The following NAB1 variants were observed in gnomAD, a reference collection of about 807,000 sequenced individuals.
NAB1 encodes NGFI-A-binding protein 1.
In NAB1, 25 loss-of-function variants were observed where a neutral mutation model predicts 49.9. The observed-to-expected ratio is 0.50, with a 90% CI of 0.37 to 0.70. The LOEUF is 0.70. NAB1 is among the 30% of genes least tolerant of loss of function. NAB1 has a pLI of 0.00. For synonymous variants in NAB1, 198 were observed against 215.6 expected, an observed-to-expected ratio of 0.92 and a Z score of 0.71; for missense variants, 489 against 575.9, an observed-to-expected ratio of 0.85 and a Z score of 1.54.
Position 190,689,961 on chromosome 2 carries a change from G to A in NAB1, c.1376-284G>A, listed in dbSNP as rs1040896184. Among the ~76,000 whole-genome samples the A allele has an allele frequency of 1.5e-5, 1 of 65,240 alleles. No homozygotes were observed. Among genetic ancestry groups the A allele is most frequent in the African/African-American group, 6.2e-5 (1 of 16,076 alleles). The allele number at this position is 65,240 out of a possible 152,430, so 42.8% of individuals were successfully genotyped here. A position where few individuals can be genotyped will look rare whatever the true frequency, so the allele number is the denominator to read the frequency against. ...TAGATACTATTCCTATTTTATAAAT[G>A]AAGACATTAAGGCTTAGAGAGGTGT... On this transcript the variant is annotated intron_variant, in intron 9 of 9. Coordinates refer to ENST00000337386, the MANE Select transcript of NAB1 (RefSeq NM_005966.4). This position sits in a 1 kb window ranked among gnomAD's most constrained non-coding sequence, Gnocchi z 4.3.
Position 190,659,971 on chromosome 2 carries a change from T to C in NAB1, c.795T>C (p.Asp265=), listed in dbSNP as rs1258978460. ...GCAGATTTGACTCAAAGAGGAAGGA[T>C]GGGAAACATCTCACACTTCATGAGG... ...IYGRFDSKRK[D]GKHLTLHELT... Residue 265 remains aspartate, a synonymous_variant, in exon 4 of 10, where the codon GAT becomes GAC. Transcript: ENST00000337386. The surrounding 1 kb of genome is among the most constrained non-coding windows in gnomAD (Gnocchi z 6.2). The C allele has an allele frequency of 6.2e-7, 1 of 1,612,990 alleles. No individual in the cohort carries two copies. The highest frequency in any genetic ancestry group is 1.3e-5 in the African/African-American group (1 of 74,894).
intron 2 of NAB1, chr2:190,653,745 C>T (rs1559222475): frequency 6.6e-6 from 1 of 152,104 alleles, no homozygotes; most frequent in African/African-American, 2.4e-5. Flanking sequence ...AAGAAAAAGA[C>T]CTAGGATCTC....
Position 190,677,496 on chromosome 2 carries a change from G to A in NAB1, c.1005+4344G>A, listed in dbSNP as rs1354522465. ...TGAATAACATGTCCACTGGAACACA[G>A]CCCTCTGTGAGTCCACTTTCAGCTG... is the stretch of plus-strand genomic sequence containing the variant. On this transcript the variant is annotated intron_variant, in intron 6 of 9. Transcript: ENST00000337386. The surrounding 1 kb of genome is among the most constrained non-coding windows in gnomAD (Gnocchi z 5.6). The A allele has an allele frequency of 6.6e-6, 1 of 152,194 alleles. No homozygotes were observed. 9.4% of individuals were successfully genotyped at this position (152,194 alleles called of 1,614,324 possible).
rs1024383211 is a variant in NAB1 at position 190,679,453 on chromosome 2, A to G, written c.1006-4285A>G. On this transcript the variant is annotated intron_variant, in intron 6 of 9. Transcript: ENST00000337386. The surrounding 1 kb of genome is among the most constrained non-coding windows in gnomAD (Gnocchi z 5.3). Reference sequence around the variant, plus strand: ...TTTTATTTATCTTTATTAATGGTGGAATAGTGTCCATTTTCTAGCAACTTT... The same window carrying G: ...TTTTATTTATCTTTATTAATGGTGGGATAGTGTCCATTTTCTAGCAACTTT... Among the ~76,000 whole-genome samples, 4 of 152,180 alleles carry G rather than the reference A, an allele frequency of 2.6e-5. No homozygotes were observed. Among genetic ancestry groups the G allele is most frequent in the Non-Finnish European group, 4.4e-5 (3 of 68,040 alleles).
At position 190,659,008 on chromosome 2, in the gene NAB1, T is replaced by C; in HGVS notation, c.-19-150T>C. The C allele has an allele frequency of 1.7e-6, 1 of 583,142 alleles. No individual in the cohort carries two copies. The highest frequency in any genetic ancestry group is 3.0e-6 in the Non-Finnish European group (1 of 334,302). 36.1% of individuals were successfully genotyped at this position (583,142 alleles called of 1,614,324 possible). On this transcript the variant is annotated intron_variant, in intron 3 of 9. Coordinates refer to ENST00000337386, the MANE Select transcript of NAB1 (RefSeq NM_005966.4). The surrounding 1 kb of genome is among the most constrained non-coding windows in gnomAD (Gnocchi z 6.2). Reference sequence around the variant, plus strand: ...AGGTTTTTAGGAGTTCAGAATGAGATAAAGTATGTAGAGAGAATGCTGCCT... The same window carrying C: ...AGGTTTTTAGGAGTTCAGAATGAGACAAAGTATGTAGAGAGAATGCTGCCT...
rs1694091342 is a variant in NAB1 at position 190,659,193 on chromosome 2, C to A, written c.17C>A (p.Pro6His). 6.2e-7 allele frequency: 1 copy of A among 1,612,802 alleles called. No homozygotes were observed. The highest frequency in any genetic ancestry group is 1.3e-5 in the African/African-American group (1 of 74,564). Residue 6 changes from proline (P) to histidine (H), a missense_variant, in exon 4 of 10, where the codon CCC becomes CAC. This residue lies in a region of NAB1 where 35 missense variants were observed against 85.6 expected (regional missense o/e 0.41). Transcript: ENST00000337386. The surrounding 1 kb of genome is among the most constrained non-coding windows in gnomAD (Gnocchi z 6.2). MAAAL[P>H]RTLGELQLYR... ...TCCAGAGTAATGGCTGCGGCCTTAC[C>A]CAGGACCCTGGGGGAGTTGCAGCTG... is the stretch of plus-strand genomic sequence containing the variant.
chr2:190,670,588 A>G lies in NAB1; in HGVS notation c.953+129A>G, dbSNP rs1202700743. 1.0e-6 allele frequency: 1 copy of G among 999,954 alleles called. No homozygotes were observed. The highest frequency in any genetic ancestry group is 1.4e-6 in the Non-Finnish European group (1 of 692,782). 61.9% of individuals were successfully genotyped at this position (999,954 alleles called of 1,614,324 possible). A position where few individuals can be genotyped will look rare whatever the true frequency, so the allele number is the denominator to read the frequency against. ...TATGATTATTGTTCTATGAAACTAA[A>G]CAATGCAGTGATTTTGAAAACATTG... On this transcript the variant is annotated intron_variant, in intron 5 of 9. Transcript: ENST00000337386. The surrounding 1 kb of genome is among the most constrained non-coding windows in gnomAD (Gnocchi z 5.3).
chr2:190,662,837 G>A (rs1694297540), intron 4 of NAB1, among the ~76,000 whole-genome samples: 1 of 152,202 alleles, frequency 6.6e-6, no homozygotes. Context: ...AATGTAGTCA[G>A]CGGGTAACTG....
rs555835810 is a variant in NAB1 at position 190,683,644 on chromosome 2, A to G, written c.1006-94A>G. ...AAATCTTAATCATGATTATTCAGGT[A>G]GTGAGATTAAGAGTTTGCTTTATTT... is the stretch of plus-strand genomic sequence containing the variant. On this transcript the variant is annotated intron_variant, in intron 6 of 9. Coordinates refer to ENST00000337386, the MANE Select transcript of NAB1 (RefSeq NM_005966.4). The G allele has an allele frequency of 3.5e-5, 26 of 747,382 alleles. No homozygotes were observed. The South Asian group carries it at 4.5e-4, about 13-fold the overall frequency. The allele number at this position is 747,382 out of a possible 1,614,324, so 46.3% of individuals were successfully genotyped here. A position where few individuals can be genotyped will look rare whatever the true frequency, so the allele number is the denominator to read the frequency against.
intron 2 of NAB1, among the ~76,000 whole-genome samples, chr2:190,655,150 A>G (rs1394549012): frequency 6.6e-6 from 1 of 152,266 alleles, no homozygotes; most frequent in Non-Finnish European, 1.5e-5. Flanking sequence ...TTGAGAATAC[A>G]TGTAAAGACA....
intron 6 of NAB1, among the ~76,000 whole-genome samples, chr2:190,683,428 G>C (rs1453761913): frequency 6.6e-6 from 1 of 150,732 alleles, no homozygotes; most frequent in Non-Finnish European, 1.5e-5. Flanking sequence ...TTACAGGCGT[G>C]AGCCACTGCA....
At chr2:190,655,526 AG>A (rs2125576948) in intron 2 of NAB1, among the ~76,000 whole-genome samples, 1 of 152,352 alleles carries the variant, frequency 6.6e-6, no homozygotes, top group East Asian at 1.9e-4. Context: ...TAAGGTGAAG[AG>A]CATCTCAAGG....
chr2:190,681,842 T>A (rs1695364012), intron 6 of NAB1, among the ~76,000 whole-genome samples: 1 of 152,208 alleles, frequency 6.6e-6, no homozygotes, highest in Non-Finnish European at 1.5e-5. Flanking sequence ...CCAAATAAGG[T>A]AAAATATTTT....
rs1336025998 is a variant in NAB1 at position 190,663,090 on chromosome 2, C to G, written c.819+3095C>G. Among the ~76,000 whole-genome samples the G allele has an allele frequency of 6.6e-6, 1 of 152,230 alleles. No homozygotes were observed. On this transcript the variant is annotated intron_variant, in intron 4 of 9. Transcript: ENST00000337386. The surrounding 1 kb of genome is among the most constrained non-coding windows in gnomAD (Gnocchi z 4.2). ...TTAAGTTAGCTTGTTTTATTCTGAA[C>G]TCTCAATCTCAGAATTCATAGATTT...
chr2:190,673,259 T>A, intron 6 of NAB1, 107 bp downstream of exon 6: 1 of 964,028 alleles, frequency 1.0e-6, no homozygotes, highest in Non-Finnish European at 1.6e-6. Flanking sequence ...CATAAACTAG[T>A]GAAAAATGGC....
rs377284116 is a variant in NAB1, at chr2:190,660,006, C to T, written c.819+11C>T. On this transcript the variant is annotated intron_variant, in intron 4 of 9. Transcript: ENST00000337386. The stretch of plus-strand genomic sequence containing the variant: ...CTCACACTTCATGAGGTACAAAGCC[C>T]GCGTTGTTCCTTCTGTGTGTGTATG... The T allele has an allele frequency of 2.1e-5, 33 of 1,597,800 alleles. No homozygotes were observed. The highest frequency in any genetic ancestry group is 1.6e-4 in the African/African-American group (12 of 74,588).
Position 190,666,785 on chromosome 2 carries a change from G to A in NAB1, c.820-3541G>A, listed in dbSNP as rs1225449132. Among the ~76,000 whole-genome samples, 2 of 152,170 alleles carry A rather than the reference G, an allele frequency of 1.3e-5. No individual in the cohort carries two copies. Among genetic ancestry groups the A allele is most frequent in the Non-Finnish European group, 2.9e-5 (2 of 68,022 alleles). ...ATTTTGGGCCACAAAAAGAGGAAATGGAGGAAATAAGTAAACCAGTAAGGG... is the reference window on the plus strand; with the variant it reads ...ATTTTGGGCCACAAAAAGAGGAAATAGAGGAAATAAGTAAACCAGTAAGGG... On this transcript the variant is annotated intron_variant, in intron 4 of 9. Coordinates refer to ENST00000337386, the MANE Select transcript of NAB1 (RefSeq NM_005966.4). The surrounding 1 kb of genome is among the most constrained non-coding windows in gnomAD (Gnocchi z 5.6).
At chr2:190,660,998 A>G (rs946752398) in intron 4 of NAB1, among the ~76,000 whole-genome samples, 13 of 150,320 alleles carry the variant, frequency 8.6e-5, no homozygotes, top group Non-Finnish European at 1.9e-4. Context: ...GCTAGAGTGC[A>G]GTGGGTGCAG....
chr2:190,670,173 T>C lies in NAB1; in HGVS notation c.820-153T>C, dbSNP rs1424910124. 6.6e-6 allele frequency among the ~76,000 whole-genome samples: 1 copy of C among 152,210 alleles called. No homozygotes were observed. Among genetic ancestry groups the C allele is most frequent in the Non-Finnish European group, 1.5e-5 (1 of 68,038 alleles). On this transcript the variant is annotated intron_variant, in intron 4 of 9. Coordinates refer to ENST00000337386, the MANE Select transcript of NAB1 (RefSeq NM_005966.4). This position sits in a 1 kb window ranked among gnomAD's most constrained non-coding sequence, Gnocchi z 5.3. Reference sequence around the variant, plus strand: ...GTTGGTTTTCTTCTGAAATTCGGCATTAGGAATAATTAGGAATAAATACCA... The same window carrying C: ...GTTGGTTTTCTTCTGAAATTCGGCACTAGGAATAATTAGGAATAAATACCA...
Sources: allele counts gnomAD v4.1 joint callset (sites outside exome capture counted in the v4.1 genomes callset), GRCh38; gene constraint gnomAD v4.1.1; regional missense constraint gnomAD v4.1.1; non-coding constraint Gnocchi (gnomAD v3.1); transcripts MANE v1.5; gene names NCBI Gene and HGNC (gene_info 2026-07-23, HGNC 2026-07-21).